The following KREMEN1 variants were observed in gnomAD, a reference collection of about 807,000 sequenced individuals.
The protein encoded by KREMEN1 is kringle containing transmembrane protein 1.
KREMEN1 carries 30 observed loss-of-function variants against 46.5 expected under a neutral mutation model. That is an observed-to-expected ratio of 0.65 (90% CI 0.48 to 0.88). The LOEUF (loss-of-function observed/expected upper bound fraction) is 0.88. Ranked by LOEUF, KREMEN1 falls within the 40% of genes least tolerant of loss-of-function variation. The probability of loss-of-function intolerance (pLI) is 0.00; values close to 1 mark genes in which losing one functional copy is unlikely to be tolerated. For synonymous variants in KREMEN1, 214 were observed against 230.6 expected, an observed-to-expected ratio of 0.93 and a Z score of 0.65; for missense variants, 533 against 596.9, an observed-to-expected ratio of 0.89 and a Z score of 1.11.
Position 29,131,865 on chromosome 22 carries a change from CTTTTTTTTTT to C in KREMEN1, c.632-5462_632-5453del, listed in dbSNP as rs71196633. 1.5e-4 allele frequency among the ~76,000 whole-genome samples: 7 copies of C among 45,858 alleles called. No homozygotes were observed. In the South Asian group the frequency reaches 4.2e-3, roughly 27 times the overall value. 30.1% of individuals were successfully genotyped at this position (45,858 alleles called of 152,430 possible). A position where few individuals can be genotyped will look rare whatever the true frequency, so the allele number is the denominator to read the frequency against. ...CTGGCTTCTTTCACTTAGAATAATG[CTTTTTTTTTT>C]TTTTTTTTTTTTTTGAGATGGAGTT... On this transcript the variant is annotated intron_variant, in intron 5 of 8. Transcript: ENST00000400335.
chr22:29,115,040 G>A (rs75911134), intron 3 of KREMEN1, among the ~76,000 whole-genome samples: 10,141 of 152,158 alleles, frequency 0.067, 417 homozygotes, highest in East Asian at 0.12. Context: ...AGTGGATGTC[G>A]TTAAGTGGTT....
downstream of KREMEN1, among the ~76,000 whole-genome samples, chr22:29,150,953 C>T (rs2038910323): frequency 3.3e-5 from 5 of 152,264 alleles, no homozygotes; most frequent in South Asian, 8.3e-4. Flanking sequence ...AGCTGGGGGT[C>T]CTTACTCCTG....
At chr22:29,123,162 G>T (rs2038386283) in intron 4 of KREMEN1, among the ~76,000 whole-genome samples, 1 of 151,696 alleles carries the variant, frequency 6.6e-6, no homozygotes, top group Admixed American at 6.6e-5. Context: ...CTCACATGAG[G>T]CACCAAAAGC....
intron 9 of KREMEN1, chr22:29,166,919 T>A: frequency 1.2e-5 from 8 of 672,838 alleles, no homozygotes; most frequent in East Asian, 3.0e-5. Context: ...GGTGACAGAG[T>A]GAGGCCCTGT....
chr22:29,090,489 C>T (rs911898280), intron 1 of KREMEN1, among the ~76,000 whole-genome samples: 1 of 152,080 alleles, frequency 6.6e-6, no homozygotes, highest in African/African-American at 2.4e-5. Flanking sequence ...ACCTGTGTAA[C>T]AAACCTTCAC....
intron 3 of KREMEN1, among the ~76,000 whole-genome samples, chr22:29,100,103 T>G (rs2037951516): frequency 6.6e-6 from 1 of 151,174 alleles, no homozygotes; most frequent in Non-Finnish European, 1.5e-5. Flanking sequence ...TCTTTTTTTT[T>G]TTTTTTGAGA....
At chr22:29,090,972 TTTTA>T (rs134654) in intron 1 of KREMEN1, among the ~76,000 whole-genome samples, 1 of 151,058 alleles carries the variant, frequency 6.6e-6, no homozygotes, top group African/African-American at 2.4e-5. Context: ...TGTGTGTGCA[TTTTA>T]TTTATTTATT....
chr22:29,148,547 G>A (rs527906710), downstream of KREMEN1, among the ~76,000 whole-genome samples: 2 of 151,598 alleles, frequency 1.3e-5, no homozygotes, highest in Admixed American at 6.6e-5. Context: ...TCCGCCTCCC[G>A]GGTTCAAGCG....
intron 9 of KREMEN1, among the ~76,000 whole-genome samples, chr22:29,156,708 G>A (rs1416845972): frequency 6.6e-6 from 1 of 152,216 alleles, no homozygotes. Flanking sequence ...AAACCACTCG[G>A]GGGAGCCCCA....
chr22:29,140,141 G>A, intron 7 of KREMEN1, 141 bp from the exon 8 acceptor site: 1 of 662,532 alleles, frequency 1.5e-6, no homozygotes, highest in South Asian at 1.8e-5. Flanking sequence ...CTGCTCCTGA[G>A]GCTAGGTTTG....
intron 5 of KREMEN1, among the ~76,000 whole-genome samples, chr22:29,128,848 A>T (rs909762442): frequency 1.7e-4 from 26 of 152,164 alleles, no homozygotes; most frequent in African/African-American, 6.3e-4. Flanking sequence ...CACATTTGAA[A>T]TTTTTCTATT....
At chr22:29,129,450 A>G (rs1316868413) in intron 5 of KREMEN1, among the ~76,000 whole-genome samples, 1 of 152,166 alleles carries the variant, frequency 6.6e-6, no homozygotes, top group Non-Finnish European at 1.5e-5. Context: ...AGCACTTTGG[A>G]AATGGTGACC....
At chr22:29,148,831 C>T (rs756688279), downstream of KREMEN1, among the ~76,000 whole-genome samples, 7 of 152,142 alleles carry the variant, frequency 4.6e-5, no homozygotes, top group Non-Finnish European at 1.0e-4. Context: ...CAGGAGACAG[C>T]TTGGCCAGGT....
At chr22:29,074,377 G>T (rs947509479) in intron 1 of KREMEN1, among the ~76,000 whole-genome samples, 6 of 152,240 alleles carry the variant, frequency 3.9e-5, no homozygotes, top group Non-Finnish European at 8.8e-5. Flanking sequence ...TCCGTGTTTT[G>T]GGTCAGCCCA....
chr22:29,142,540 T>G lies in KREMEN1; in HGVS notation c.*428T>G. On this transcript the variant is annotated 3_prime_UTR_variant, in exon 9 of 9. Coordinates refer to ENST00000400335, the MANE Select transcript of KREMEN1 (RefSeq NM_001039570.3). ...ATTTTTGTCCACACACAAATCAGTTTCTCCTGATCTTTATGTCTTGGAACA... is the reference window on the plus strand; with the variant it reads ...ATTTTTGTCCACACACAAATCAGTTGCTCCTGATCTTTATGTCTTGGAACA... 1 of 987,618 alleles carries G rather than the reference T, an allele frequency of 1.0e-6. No homozygotes were observed. The allele number at this position is 987,618 out of a possible 1,614,324, so 61.2% of individuals were successfully genotyped here. A position where few individuals can be genotyped will look rare whatever the true frequency, so the allele number is the denominator to read the frequency against.
intron 9 of KREMEN1, chr22:29,154,580 C>T (rs1192041982): frequency 2.0e-5 from 3 of 152,418 alleles, no homozygotes; most frequent in Non-Finnish European, 2.9e-5. Flanking sequence ...CCGCCCTCGC[C>T]TTTCCTGCAG....
rs1432490044 is a variant in KREMEN1, at chr22:29,073,910, C to T, written c.97+683C>T. On this transcript the variant is annotated intron_variant, in intron 1 of 8. Coordinates refer to ENST00000400335, the MANE Select transcript of KREMEN1 (RefSeq NM_001039570.3). This position sits in a 1 kb window ranked among gnomAD's most constrained non-coding sequence, Gnocchi z 4.4. ...GGGACGACTCCCCCGCTACAAGAGG[C>T]TATACGCCCCTCTCCGAGACCTCCA... 6.6e-6 allele frequency among the ~76,000 whole-genome samples: 1 copy of T among 152,114 alleles called. No homozygotes were observed. The highest frequency in any genetic ancestry group is 1.5e-5 in the Non-Finnish European group (1 of 67,980).
In KREMEN1 at chr22:29,143,289, A is replaced by G. The variant is rs1213743136; in HGVS notation, c.*1177A>G. 4.1e-6 allele frequency: 4 copies of G among 985,464 alleles called. No homozygotes were observed. The highest frequency in any genetic ancestry group is 2.3e-4 in the East Asian group (2 of 8,822). The allele number at this position is 985,464 out of a possible 1,614,324, so 61.0% of individuals were successfully genotyped here. A position where few individuals can be genotyped will look rare whatever the true frequency, so the allele number is the denominator to read the frequency against. On this transcript the variant is annotated 3_prime_UTR_variant, in exon 9 of 9. Transcript: ENST00000400335. ...TTGCCACTGAGCAGCTCATGGTCCTATGGAACCTGAGCCAGGCCTCAGTCT... is the reference window on the plus strand; with the variant it reads ...TTGCCACTGAGCAGCTCATGGTCCTGTGGAACCTGAGCCAGGCCTCAGTCT...
intron 5 of KREMEN1, among the ~76,000 whole-genome samples, chr22:29,133,163 G>A (rs1416165995): frequency 6.6e-6 from 1 of 151,534 alleles, no homozygotes; most frequent in Non-Finnish European, 1.5e-5. Context: ...CAGGAGAATG[G>A]CGTGAACCCA....
Sources: gnomAD v4.1 joint callset for allele counts (sites outside exome capture counted in the v4.1 genomes callset) on GRCh38, gnomAD v4.1.1 for gene constraint, Gnocchi (gnomAD v3.1) non-coding constraint, MANE v1.5 for transcripts, NCBI Gene and HGNC (gene_info 2026-07-23, HGNC 2026-07-21) for gene names.